Variants in UBN1 observed in about 807,000 individuals in gnomAD.
UBN1 encodes the protein ubinuclein 1.
A neutral mutation model predicts 108.5 loss-of-function variants in UBN1; 17 were observed. That is an observed-to-expected ratio of 0.16 (90% CI 0.11 to 0.24). The LOEUF is 0.24. Among genes scored for constraint, UBN1 ranks in the 10% least tolerant of loss-of-function variants. The pLI, the probability that UBN1 is intolerant of heterozygous loss-of-function variation, is 1.00. For synonymous variants in UBN1, 726 were observed against 564.2 expected (o/e 1.29, Z -4.07); for missense variants, 1,595 against 1,394.4 (o/e 1.14, Z -2.29).
At chr16:4,852,150 G>C (rs962776225) in intron 1 of UBN1, 1 of 152,172 alleles carries the variant, frequency 6.6e-6, no homozygotes, top group African/African-American at 2.4e-5. Context: ...CTTTTAAAAA[G>C]CAGGACACAA....
chr16:4,878,166 C>A (rs2087970160), intron 17 of UBN1, among the ~76,000 whole-genome samples: 1 of 152,162 alleles, frequency 6.6e-6, no homozygotes, highest in Non-Finnish European at 1.5e-5. Flanking sequence ...GGGTTGGTAC[C>A]TTTGCATTGA....
At chr16:4,871,375 C>A (rs2087621867) in intron 12 of UBN1, 74 bp downstream of exon 12, 1 of 1,551,208 alleles carries the variant, frequency 6.4e-7, no homozygotes, top group Non-Finnish European at 8.7e-7. Flanking sequence ...GCCAGGCCAA[C>A]AGGATCCTTG....
chr16:4,875,808 CAT>C (rs1472316004), intron 15 of UBN1, among the ~76,000 whole-genome samples: 1 of 152,112 alleles, frequency 6.6e-6, no homozygotes, highest in Non-Finnish European at 1.5e-5. Flanking sequence ...TCAGTTGAGT[CAT>C]GTGGAGGTGT....
Position 4,850,888 on chromosome 16 carries a change from C to T in UBN1, c.-39-1991C>T, listed in dbSNP as rs532631202. Among the ~76,000 whole-genome samples the T allele has an allele frequency of 2.3e-4, 35 of 152,200 alleles. No individual in the cohort carries two copies. In the South Asian group the frequency reaches 5.6e-3, roughly 24 times the overall value. On this transcript the variant is annotated intron_variant, in intron 1 of 17. Transcript: ENST00000262376. ...GAAACCTGCCAAAATAATACATAGG[C>T]TGGAATGGCAAAGTATTATTTATAA...
At chr16:4,868,294 T>C (rs2087434436) in intron 7 of UBN1, among the ~76,000 whole-genome samples, 1 of 152,164 alleles carries the variant, frequency 6.6e-6, no homozygotes, top group South Asian at 2.1e-4. Context: ...GGTAATATGG[T>C]GGGTTAATTA....
rs2087960499 is a variant in UBN1, at chr16:4,877,842, G to T, written c.3355+368G>T. On this transcript the variant is annotated intron_variant, in intron 17 of 17. Transcript: ENST00000262376. This position sits in a 1 kb window ranked among gnomAD's most constrained non-coding sequence, Gnocchi z 4.3. ...AAGGTAATGGTGCATCTTCTCCAAG[G>T]GCTAATTGGGTACAACAAGGTCTTG... The T allele has an allele frequency of 9.9e-7, 1 of 1,008,100 alleles. No homozygotes were observed. Among genetic ancestry groups the T allele is most frequent in the Non-Finnish European group, 1.2e-6 (1 of 845,588 alleles). 62.4% of individuals were successfully genotyped at this position (1,008,100 alleles called of 1,614,324 possible). A position where few individuals can be genotyped will look rare whatever the true frequency, so the allele number is the denominator to read the frequency against.
rs535097965 is a variant in UBN1, at chr16:4,850,242, T to C, written c.-40+2032T>C. On this transcript the variant is annotated intron_variant, in intron 1 of 17. Coordinates refer to ENST00000262376, the MANE Select transcript of UBN1 (RefSeq NM_001079514.3). ...AGTACAGATTTGACTCACTTTATCCTGTAGTCCTATTTTTTACCTTCTTGG... is the reference window on the plus strand; with the variant it reads ...AGTACAGATTTGACTCACTTTATCCCGTAGTCCTATTTTTTACCTTCTTGG... Among the ~76,000 whole-genome samples the C allele has an allele frequency of 3.3e-5, 5 of 152,322 alleles. No individual in the cohort carries two copies. The East Asian group carries it at 9.6e-4, about 29-fold the overall frequency.
intron 17 of UBN1, among the ~76,000 whole-genome samples, chr16:4,879,782 G>C (rs1596535210): frequency 1.3e-5 from 2 of 152,230 alleles, no homozygotes; most frequent in African/African-American, 4.8e-5. Flanking sequence ...CCTCGCCTCA[G>C]GATGGCAATT....
rs774663311 is a variant in UBN1, at chr16:4,868,870, T to G, written c.1148T>G (p.Phe383Cys). The change falls in exon 8 of 18, where the codon TTC (phenylalanine) becomes TGC (cysteine). Residue 383 changes from phenylalanine to cysteine, a missense_variant. Physicochemically the swap from Phe to Cys is radical, Grantham distance 205. Transcript: ENST00000262376. ...RAAEGESRQKFFTQDINGILL... is the reference protein window; with the variant it reads ...RAAEGESRQKCFTQDINGILL... ...GCTGAGGGGGAGAGCAGACAGAAGT[T>G]CTTCACCCAGGATATTAATGGAATC... is the stretch of plus-strand genomic sequence containing the variant. 6.2e-7 allele frequency: 1 copy of G among 1,613,966 alleles called. No homozygotes were observed. The highest frequency in any genetic ancestry group is 8.5e-7 in the Non-Finnish European group (1 of 1,179,892).
chr16:4,868,541 T>C (rs538465445), intron 7 of UBN1, among the ~76,000 whole-genome samples: 1 of 152,340 alleles, frequency 6.6e-6, no homozygotes, highest in African/African-American at 2.4e-5. Context: ...TTAGTTGGCC[T>C]TATTGGCCTC....
At chr16:4,872,404 C>T in intron 12 of UBN1, 1 of 978,822 alleles carries the variant, frequency 1.0e-6, no homozygotes, top group African/African-American at 1.8e-5. Flanking sequence ...CCATTGAGAT[C>T]CTCTCACCAG....
At chr16:4,878,403 G>A (rs577153358) in intron 17 of UBN1, among the ~76,000 whole-genome samples, 2 of 152,296 alleles carry the variant, frequency 1.3e-5, no homozygotes, top group South Asian at 4.1e-4. Context: ...AGGACCCTCT[G>A]TGCTGCACGT....
In UBN1 at chr16:4,877,741, G is replaced by A. The variant is rs572148610; in HGVS notation, c.3355+267G>A. 149 of 1,181,976 alleles carry A rather than the reference G, an allele frequency of 1.3e-4. No homozygotes were observed. Among genetic ancestry groups the A allele is most frequent in the Non-Finnish European group, 1.4e-4 (138 of 957,450 alleles). 73.2% of individuals were successfully genotyped at this position (1,181,976 alleles called of 1,614,324 possible). Reference sequence around the variant, plus strand: ...AAAGTTGCGGGGGGCAGGGTGGTGCGCTTTTGTGTGCGGTGGAGGAGTTCC... The same window carrying A: ...AAAGTTGCGGGGGGCAGGGTGGTGCACTTTTGTGTGCGGTGGAGGAGTTCC... On this transcript the variant is annotated intron_variant, in intron 17 of 17. Transcript: ENST00000262376. The surrounding 1 kb of genome is among the most constrained non-coding windows in gnomAD (Gnocchi z 4.3).
chr16:4,856,630 C>A (rs1325767661), intron 2 of UBN1, among the ~76,000 whole-genome samples: 2 of 152,126 alleles, frequency 1.3e-5, no homozygotes, highest in African/African-American at 4.8e-5. Context: ...AGTGTTGGGA[C>A]AGAGCTGGAC....
At chr16:4,853,509 C>G (rs1438751998) in intron 2 of UBN1, among the ~76,000 whole-genome samples, 1 of 151,564 alleles carries the variant, frequency 6.6e-6, no homozygotes, top group African/African-American at 2.4e-5. Flanking sequence ...TGCTGTCTAC[C>G]TAGTATAGGG....
At chr16:4,870,121 G>A in intron 8 of UBN1, 91 bp from the exon 9 acceptor site, 3 of 1,574,518 alleles carry the variant, frequency 1.9e-6, no homozygotes, top group Admixed American at 3.5e-5. Context: ...ACTGCCGTTG[G>A]CTCCTAGCTT....
chr16:4,853,976 C>G (rs2086675860), intron 2 of UBN1, among the ~76,000 whole-genome samples: 1 of 152,186 alleles, frequency 6.6e-6, no homozygotes, highest in African/African-American at 2.4e-5. Flanking sequence ...AAGACTACCT[C>G]AATACTTATG....
intron 7 of UBN1, among the ~76,000 whole-genome samples, chr16:4,862,932 C>G (rs961961750): frequency 1.3e-5 from 2 of 152,118 alleles, no homozygotes; most frequent in Non-Finnish European, 2.9e-5. Flanking sequence ...GGCCTGGGTC[C>G]CAGTGGGGAG....
intron 1 of UBN1, chr16:4,852,348 A>C (rs1230606695): frequency 6.5e-6 from 1 of 153,066 alleles, no homozygotes; most frequent in Non-Finnish European, 1.5e-5. Flanking sequence ...TGCACAGGGC[A>C]GGAGTGTGTA....
Sources: gnomAD v4.1 joint callset for allele counts (sites outside exome capture counted in the v4.1 genomes callset) on GRCh38, gnomAD v4.1.1 for gene constraint, Gnocchi (gnomAD v3.1) non-coding constraint, MANE v1.5 for transcripts, NCBI Gene and HGNC (gene_info 2026-07-23, HGNC 2026-07-21) for gene names.